Variants in SPPL2A observed in about 807,000 individuals in gnomAD.
The protein encoded by SPPL2A is signal peptide peptidase like 2A, also known as signal peptide peptidase-like 2A.
Under a neutral mutation model 63.8 loss-of-function variants are expected in SPPL2A, and 51 were observed. That is an observed-to-expected ratio of 0.80 (90% CI 0.64 to 1.01). The LOEUF (loss-of-function observed/expected upper bound fraction) is 1.01. Among genes scored for constraint, SPPL2A ranks in the 50% least tolerant of loss-of-function variants. SPPL2A has a pLI of 0.00. For missense variants in SPPL2A, 553 were observed against 622.7 expected (o/e 0.89, Z 1.19); for synonymous variants, 188 against 205.8 (o/e 0.91, Z 0.74).
In SPPL2A at chr15:50,725,291, G is replaced by T. The variant is rs140457962; in HGVS notation, c.1179C>A (p.Ile393=). Residue 393 remains isoleucine, a synonymous_variant, in exon 12 of 15, where the codon ATC becomes ATA. Transcript: ENST00000261854. The part of the protein sequence containing the change: ...LPVVIRVPKL[I]YFSVMSVCLM... Reference sequence around the variant, plus strand: ...GGCACACACTCATTACTGAGAAATAGATCAGTTTTGGTACTCTGATGACTA... The same window carrying T: ...GGCACACACTCATTACTGAGAAATATATCAGTTTTGGTACTCTGATGACTA... 12,549 of 1,605,010 alleles carry T rather than the reference G, an allele frequency of 7.8e-3. 74 individuals carry two copies. Among genetic ancestry groups the T allele is most frequent in the Non-Finnish European group, 9.5e-3 (11,157 of 1,174,052 alleles).
intron 6 of SPPL2A, among the ~76,000 whole-genome samples, chr15:50,737,518 T>C (rs1405527675): frequency 1.3e-5 from 2 of 152,122 alleles, no homozygotes; most frequent in African/African-American, 4.8e-5. Context: ...AATGGGGCAA[T>C]CTTGGCTCAC....
At chr15:50,732,905 C>T (rs1285843724) in intron 8 of SPPL2A, among the ~76,000 whole-genome samples, 1 of 151,970 alleles carries the variant, frequency 6.6e-6, no homozygotes, top group Non-Finnish European at 1.5e-5. Flanking sequence ...TTTCATGTCT[C>T]AGCTTCCCAA....
intron 5 of SPPL2A, among the ~76,000 whole-genome samples, chr15:50,740,433 A>G (rs886251389): frequency 1.3e-5 from 2 of 149,080 alleles, no homozygotes; most frequent in African/African-American, 4.9e-5. Flanking sequence ...GTCTCAAAAA[A>G]AAAAAAAAAA....
At chr15:50,712,607 A>C (rs2062567376) in intron 14 of SPPL2A, among the ~76,000 whole-genome samples, 1 of 151,112 alleles carries the variant, frequency 6.6e-6, no homozygotes, top group Non-Finnish European at 1.5e-5. Context: ...CCAAGCCTTA[A>C]GCTAACCCAC....
At chr15:50,711,411 A>T (rs187828172) in intron 14 of SPPL2A, among the ~76,000 whole-genome samples, 17 of 152,054 alleles carry the variant, frequency 1.1e-4, no homozygotes, top group African/African-American at 3.1e-4. Context: ...GGATTTCACT[A>T]TGTTGGCCAG....
chr15:50,747,970 C>CT, intron 4 of SPPL2A, 143 bp downstream of exon 4: 1 of 467,824 alleles, frequency 2.1e-6, no homozygotes, highest in Admixed American at 4.2e-5. Context: ...GAGATGAGTA[C>CT]TTTCCAAACA....
chr15:50,717,837 G>A (rs2062609085), intron 14 of SPPL2A, among the ~76,000 whole-genome samples: 1 of 151,924 alleles, frequency 6.6e-6, no homozygotes, highest in African/African-American at 2.4e-5. Context: ...AAATCACCTA[G>A]GACTCTTTCC....
Position 50,748,845 on chromosome 15 carries a change from G to A in SPPL2A, c.203C>T (p.Thr68Ile). The change falls in exon 3 of 15, where the codon ACT (threonine) becomes ATT (isoleucine). Residue 68 changes from threonine (T) to isoleucine (I), a missense_variant. Transcript: ENST00000261854. ...AGAAAGGTTGCATAGTGGTGTGGAAGTCAGATTCATCAAACTAATGGAAGT... is the reference window on the plus strand; with the variant it reads ...AGAAAGGTTGCATAGTGGTGTGGAAATCAGATTCATCAAACTAATGGAAGT... The part of the protein sequence containing the change: ...NATSISLMNL[T>I]STPLCNLSDI... 1.3e-6 allele frequency: 2 copies of A among 1,587,738 alleles called. No homozygotes were observed. The highest frequency in any genetic ancestry group is 1.7e-6 in the Non-Finnish European group (2 of 1,170,622).
chr15:50,749,797 A>G (rs1340045903), intron 1 of SPPL2A, 51 bp from the exon 2 acceptor site: 1 of 1,082,728 alleles, frequency 9.2e-7, no homozygotes, highest in African/African-American at 1.5e-5. Context: ...GCTTGCCAAC[A>G]ACTAAGGATT....
chr15:50,757,251 T>C (rs2062967098), intron 1 of SPPL2A, among the ~76,000 whole-genome samples: 1 of 151,712 alleles, frequency 6.6e-6, no homozygotes, highest in Non-Finnish European at 1.5e-5. Context: ...CCCGGCTAAT[T>C]TTTTGTATTT....
chr15:50,760,377 C>T (rs2062999425), intron 1 of SPPL2A, among the ~76,000 whole-genome samples: 1 of 152,162 alleles, frequency 6.6e-6, no homozygotes. Flanking sequence ...TCTCCTGCCT[C>T]AGCCTCCCAT....
chr15:50,705,351 A>AG lies in SPPL2A; in HGVS notation c.*2448_*2449insC, dbSNP rs1313809889. ...GGAGACTCCATTTCCAAAAAAAAAA[A>AG]AAAGAAATTAATTATCTCATTTCGA... On this transcript the variant is annotated 3_prime_UTR_variant, in exon 15 of 15. Coordinates refer to ENST00000261854, the MANE Select transcript of SPPL2A (RefSeq NM_032802.4). The AG allele has an allele frequency of 6.6e-6, 1 of 152,088 alleles. No individual in the cohort carries two copies. Among genetic ancestry groups the AG allele is most frequent in the Non-Finnish European group, 1.5e-5 (1 of 68,016 alleles). 9.4% of individuals were successfully genotyped at this position (152,088 alleles called of 1,614,324 possible). A position where few individuals can be genotyped will look rare whatever the true frequency, so the allele number is the denominator to read the frequency against.
intron 1 of SPPL2A, among the ~76,000 whole-genome samples, chr15:50,761,613 T>C (rs1291368706): frequency 6.6e-6 from 1 of 151,198 alleles, no homozygotes; most frequent in African/African-American, 2.4e-5. Flanking sequence ...TGAAACTCCA[T>C]CTCAAAAAAT....
In SPPL2A at chr15:50,703,349, T is replaced by TATATAC. The variant is rs1386587268; in HGVS notation, c.*4450_*4451insGTATAT. The stretch of plus-strand genomic sequence containing the variant: ...ACATATATATATATATATATATACA[T>TATATAC]ATATATATTTTTTTTTTTTTTTTTT... On this transcript the variant is annotated 3_prime_UTR_variant, in exon 15 of 15. Coordinates refer to ENST00000261854, the MANE Select transcript of SPPL2A (RefSeq NM_032802.4). 1 of 88,002 alleles carries TATATAC rather than the reference T, an allele frequency of 1.1e-5. No homozygotes were observed. The highest frequency in any genetic ancestry group is 5.0e-5 in the African/African-American group (1 of 20,076). 5.5% of individuals were successfully genotyped at this position (88,002 alleles called of 1,614,324 possible). A position where few individuals can be genotyped will look rare whatever the true frequency, so the allele number is the denominator to read the frequency against.
chr15:50,704,339 T>G lies in SPPL2A; in HGVS notation c.*3461A>C. 1.1e-5 allele frequency: 1 copy of G among 86,996 alleles called. No homozygotes were observed. Among genetic ancestry groups the G allele is most frequent in the Non-Finnish European group, 2.4e-5 (1 of 41,002 alleles). 5.4% of individuals were successfully genotyped at this position (86,996 alleles called of 1,614,324 possible). A position where few individuals can be genotyped will look rare whatever the true frequency, so the allele number is the denominator to read the frequency against. The stretch of plus-strand genomic sequence containing the variant: ...CCTGGGCAAAAAGAGCGAAACTCTG[T>G]CTCAAAAAAAAAAAAAAAAAAAAAT... On this transcript the variant is annotated 3_prime_UTR_variant, in exon 15 of 15. Coordinates refer to ENST00000261854, the MANE Select transcript of SPPL2A (RefSeq NM_032802.4).
At chr15:50,726,871 C>T (rs911385362) in intron 10 of SPPL2A, among the ~76,000 whole-genome samples, 2 of 152,166 alleles carry the variant, frequency 1.3e-5, no homozygotes, top group Non-Finnish European at 2.9e-5. Context: ...CTACTCACCA[C>T]AATAACAAAA....
intron 1 of SPPL2A, among the ~76,000 whole-genome samples, chr15:50,759,997 G>A (rs752417088): frequency 6.6e-6 from 1 of 152,160 alleles, no homozygotes; most frequent in Non-Finnish European, 1.5e-5. Flanking sequence ...CAGTTCAGAG[G>A]CAAGGTAAAA....
intron 8 of SPPL2A, 136 bp from the exon 9 acceptor site, chr15:50,732,820 A>C: frequency 1.5e-5 from 9 of 593,938 alleles, no homozygotes; most frequent in Admixed American, 3.1e-5. Flanking sequence ...ACAGATTCTC[A>C]CTCTGTCACC....
intron 1 of SPPL2A, among the ~76,000 whole-genome samples, chr15:50,759,954 A>G (rs1481525791): frequency 6.6e-6 from 1 of 152,184 alleles, no homozygotes; most frequent in East Asian, 1.9e-4. Context: ...TTAGTGACTT[A>G]GAAAGGAGCC....
Sources: allele counts gnomAD v4.1 joint callset (sites outside exome capture counted in the v4.1 genomes callset), GRCh38; gene constraint gnomAD v4.1.1; transcripts MANE v1.5; gene names NCBI Gene and HGNC (gene_info 2026-07-23, HGNC 2026-07-21).